PAFAH2: variants seen among roughly 807,000 people sequenced by gnomAD.
PAFAH2 encodes platelet activating factor acetylhydrolase 2, also known as platelet-activating factor acetylhydrolase 2, cytoplasmic.
PAFAH2 carries 42 observed loss-of-function variants against 49.0 expected under a neutral mutation model. The observed-to-expected ratio is 0.86, with a 90% CI of 0.67 to 1.11. The LOEUF (loss-of-function observed/expected upper bound fraction) is 1.11. Among genes scored for constraint, PAFAH2 ranks in the 50% least tolerant of loss-of-function variants. The pLI, the probability that PAFAH2 is intolerant of heterozygous loss-of-function variation, is 0.00. For synonymous variants in PAFAH2, 184 were observed against 181.3 expected (o/e 1.01, Z -0.12); for missense variants, 503 against 501.8 (o/e 1.00, Z -0.02).
intron 4 of PAFAH2, 97 bp downstream of exon 4, chr1:25,988,134 G>A (rs2257255): frequency 0.14 from 102,687 of 745,248 alleles, 7,880 homozygotes; most frequent in Middle Eastern, 0.21. Flanking sequence ...GCTAGCAGAT[G>A]GAAATGTCTT....
intron 1 of PAFAH2, among the ~76,000 whole-genome samples, 151 bp downstream of exon 1, chr1:25,997,874 G>A (rs2049958233): frequency 6.6e-6 from 1 of 152,154 alleles, no homozygotes. Context: ...GGGAGCGGGT[G>A]GCTACAGGTG....
chr1:25,996,296 C>T (rs979284576), intron 1 of PAFAH2, among the ~76,000 whole-genome samples: 1 of 152,080 alleles, frequency 6.6e-6, no homozygotes, highest in Non-Finnish European at 1.5e-5. Context: ...GCTTGGGAGC[C>T]GGAGGCCACA....
intron 1 of PAFAH2, among the ~76,000 whole-genome samples, chr1:25,993,473 A>G (rs1230096667): frequency 6.6e-6 from 1 of 152,220 alleles, no homozygotes; most frequent in East Asian, 1.9e-4. Flanking sequence ...CAGAACGATG[A>G]TAACAACACA....
chr1:25,991,517 C>T (rs539196183), intron 1 of PAFAH2, among the ~76,000 whole-genome samples: 2 of 148,766 alleles, frequency 1.3e-5, no homozygotes, highest in Non-Finnish European at 3.0e-5. Flanking sequence ...CTCCTGACCT[C>T]GTGATCTACC....
chr1:25,986,098 G>T (rs1040381918), intron 4 of PAFAH2, among the ~76,000 whole-genome samples: 1 of 152,198 alleles, frequency 6.6e-6, no homozygotes, highest in African/African-American at 2.4e-5. Flanking sequence ...AGGCATTAAA[G>T]AATAATTACA....
intron 7 of PAFAH2, among the ~76,000 whole-genome samples, chr1:25,980,679 T>C (rs1006709307): frequency 3.3e-5 from 5 of 149,612 alleles, no homozygotes; most frequent in Non-Finnish European, 7.4e-5. Context: ...CATATGCACA[T>C]ACACACACCA....
intron 8 of PAFAH2, 99 bp from the exon 9 acceptor site, chr1:25,974,749 A>G (rs1322650593): frequency 3.6e-6 from 4 of 1,112,564 alleles, no homozygotes; most frequent in Non-Finnish European, 5.1e-6. Context: ...CTGGTGGGGT[A>G]AAGGCTCAGA....
At chr1:25,984,845 C>CTTTT (rs34522205) in intron 4 of PAFAH2, among the ~76,000 whole-genome samples, 76 of 104,254 alleles carry the variant, frequency 7.3e-4, no homozygotes, top group East Asian at 1.5e-3. Context: ...AGAGAGATTT[C>CTTTT]TTTTTTTTTT....
At chr1:25,965,190 C>A (rs1228970295) in intron 10 of PAFAH2, among the ~76,000 whole-genome samples, 1 of 152,088 alleles carries the variant, frequency 6.6e-6, no homozygotes, top group Admixed American at 6.5e-5. Context: ...ACAAATGGTG[C>A]TGGAAAAATT....
At chr1:25,996,046 T>C (rs2049932001) in intron 1 of PAFAH2, among the ~76,000 whole-genome samples, 1 of 152,198 alleles carries the variant, frequency 6.6e-6, no homozygotes, top group African/African-American at 2.4e-5. Flanking sequence ...TTCTGATAAT[T>C]TATTCTCACA....
intron 1 of PAFAH2, among the ~76,000 whole-genome samples, chr1:25,994,291 G>A (rs755193259): frequency 3.3e-5 from 5 of 151,900 alleles, no homozygotes; most frequent in Admixed American, 1.3e-4. Context: ...CATCACACCC[G>A]GCTAATTTTT....
intron 10 of PAFAH2, among the ~76,000 whole-genome samples, chr1:25,962,548 C>T (rs1453930091): frequency 6.6e-6 from 1 of 152,136 alleles, no homozygotes; most frequent in Non-Finnish European, 1.5e-5. Context: ...GAGGGCTGGG[C>T]ATGGTGGCTT....
At chr1:25,968,488 G>A (rs1572341781) in intron 10 of PAFAH2, among the ~76,000 whole-genome samples, 2 of 152,106 alleles carry the variant, frequency 1.3e-5, no homozygotes, top group Admixed American at 1.3e-4. Flanking sequence ...AGGAGAGTGG[G>A]AGAGGAGAGT....
intron 7 of PAFAH2, among the ~76,000 whole-genome samples, chr1:25,980,689 A>G (rs1040743032): frequency 1.4e-4 from 21 of 150,034 alleles, no homozygotes; most frequent in African/African-American, 5.1e-4. Context: ...TACACACACC[A>G]TTCTTATTCA....
rs1368277151 is a variant in PAFAH2 at position 25,990,853 on chromosome 1, G to A, written c.-37C>T. On this transcript the variant is annotated 5_prime_UTR_variant, in exon 2 of 11. Transcript: ENST00000374282. ...GTGAATCAAATGACTTGCCGGAGCTGAACTTGCTGGCTGGATGGGGGAACA... is the reference window on the plus strand; with the variant it reads ...GTGAATCAAATGACTTGCCGGAGCTAAACTTGCTGGCTGGATGGGGGAACA... 6.4e-7 allele frequency: 1 copy of A among 1,556,908 alleles called. No homozygotes were observed. Among genetic ancestry groups the A allele is most frequent in the Non-Finnish European group, 8.9e-7 (1 of 1,128,514 alleles).
chr1:25,977,958 C>CT (rs2049622021), intron 7 of PAFAH2, among the ~76,000 whole-genome samples: 1 of 152,134 alleles, frequency 6.6e-6, no homozygotes, highest in African/African-American at 2.4e-5. Context: ...TCTGTGCACT[C>CT]TAACATGCTT....
At chr1:25,980,961 C>A (rs2124347918) in intron 7 of PAFAH2, among the ~76,000 whole-genome samples, 1 of 151,948 alleles carries the variant, frequency 6.6e-6, no homozygotes, top group East Asian at 1.9e-4. Context: ...GTACCTCAGC[C>A]TGGGTGACAG....
At chr1:25,997,630 G>T (rs1557535908) in intron 1 of PAFAH2, 1 of 152,324 alleles carries the variant, frequency 6.6e-6, no homozygotes, top group South Asian at 2.1e-4. Context: ...TTCTTCCACC[G>T]CCATGAAAAA....
intron 1 of PAFAH2, 115 bp downstream of exon 1, chr1:25,997,910 A>C (rs987657095): frequency 1.3e-5 from 2 of 152,274 alleles, no homozygotes; most frequent in Non-Finnish European, 2.9e-5. Flanking sequence ...TAAAGGACGA[A>C]GATTAATGTG....
Sources: gnomAD v4.1 joint callset for allele counts (sites outside exome capture counted in the v4.1 genomes callset) on GRCh38, gnomAD v4.1.1 for gene constraint, MANE v1.5 for transcripts, NCBI Gene and HGNC (gene_info 2026-07-23, HGNC 2026-07-21) for gene names.